ABCD4: variants seen among roughly 807,000 people sequenced by gnomAD.
ABCD4 encodes the protein ATP binding cassette subfamily D member 4.
A neutral mutation model predicts 86.3 loss-of-function variants in ABCD4; 53 were observed. The observed-to-expected ratio is 0.61, with a 90% confidence interval of 0.49 to 0.77. The LOEUF (loss-of-function observed/expected upper bound fraction) is 0.77. Ranked by LOEUF, ABCD4 falls within the 30% of genes least tolerant of loss-of-function variation. The probability of loss-of-function intolerance (pLI) is 0.00; values close to 1 mark genes in which losing one functional copy is unlikely to be tolerated. For missense variants in ABCD4, 757 were observed against 764.5 expected (o/e 0.99, Z 0.12); for synonymous variants, 328 against 313.6 (o/e 1.05, Z -0.49).
Position 74,292,550 on chromosome 14 carries a change from C to T in ABCD4, c.1028+1G>A, listed in dbSNP as rs763876352. Reference sequence around the variant, plus strand: ...GCCAGAGGGGTGGGACACGGCCTCACCTGTGCGTGTAGCCAGCCACATCTG... The same window carrying T: ...GCCAGAGGGGTGGGACACGGCCTCATCTGTGCGTGTAGCCAGCCACATCTG... On this transcript the variant is annotated splice_donor_variant, in intron 10 of 18. Coordinates refer to ENST00000356924, the MANE Select transcript of ABCD4 (RefSeq NM_005050.4). LOFTEE classifies it high-confidence loss of function. 6.2e-7 allele frequency: 1 copy of T among 1,613,914 alleles called. No individual in the cohort carries two copies. The highest frequency in any genetic ancestry group is 8.5e-7 in the Non-Finnish European group (1 of 1,179,928).
intron 11 of ABCD4, among the ~76,000 whole-genome samples, chr14:74,291,705 T>A (rs538447168): frequency 6.6e-6 from 1 of 152,320 alleles, no homozygotes. Flanking sequence ...GGCCCTGGAA[T>A]TCAGACTGAT....
intron 18 of ABCD4, 60 bp from the exon 19 acceptor site, chr14:74,286,589 ACTCGGTTCT>A (rs1566907719): frequency 1.9e-6 from 3 of 1,612,248 alleles, no homozygotes; most frequent in Non-Finnish European, 2.5e-6. Flanking sequence ...AGAGGAGGCC[ACTCGGTTCT>A]CTCTGCTACT....
intron 8 of ABCD4, 26 bp from the exon 9 acceptor site, chr14:74,292,895 C>A: frequency 6.2e-7 from 1 of 1,613,936 alleles, no homozygotes; most frequent in Non-Finnish European, 8.5e-7. Context: ...CTGTGAGACA[C>A]CCAGGAACCA....
intron 14 of ABCD4, chr14:74,289,089 G>A: frequency 9.6e-7 from 1 of 1,039,154 alleles, no homozygotes; most frequent in Non-Finnish European, 1.2e-6. Context: ...TCCAGTCTGG[G>A]TGACAGAGTG....
intron 1 of ABCD4, among the ~76,000 whole-genome samples, chr14:74,301,137 A>C (rs1199041600): frequency 6.9e-6 from 1 of 145,538 alleles, no homozygotes; most frequent in Non-Finnish European, 1.5e-5. Flanking sequence ...TACAGGCGTG[A>C]GCCACCGCGC....
Position 74,290,136 on chromosome 14 carries a change from A to G in ABCD4, c.1328-18T>C, listed in dbSNP as rs1015908294. ...CACTGAGCCTGCAGAGCCCACAGAA[A>G]CCTCCATTGTGAGATCTCCCAGAAG... On this transcript the variant is annotated intron_variant, in intron 12 of 18. Transcript: ENST00000356924. 2 of 1,613,766 alleles carry G rather than the reference A, an allele frequency of 1.2e-6. No homozygotes were observed. The highest frequency in any genetic ancestry group is 2.7e-5 in the African/African-American group (2 of 74,822).
intron 4 of ABCD4, chr14:74,296,880 A>T (rs1249718172): frequency 2.6e-5 from 4 of 156,370 alleles, no homozygotes; most frequent in African/African-American, 9.6e-5. Flanking sequence ...CCAGGCTGTG[A>T]GGCACACCTG....
At position 74,289,691 on chromosome 14, in the gene ABCD4, C is replaced by T. The variant is rs2080924640; in HGVS notation, c.1420-172G>A. The stretch of plus-strand genomic sequence containing the variant: ...GCCGGCAGACAGCAGGGCAAGGTCC[C>T]TACAACCTTCAGAAGTGTGTTTAGG... On this transcript the variant is annotated intron_variant, in intron 13 of 18. Coordinates refer to ENST00000356924, the MANE Select transcript of ABCD4 (RefSeq NM_005050.4). The T allele has an allele frequency of 3.5e-6, 5 of 1,448,216 alleles. No homozygotes were observed. In the East Asian group the frequency reaches 1.2e-4, roughly 36 times the overall value. The allele number at this position is 1,448,216 out of a possible 1,614,324, so 89.7% of individuals were successfully genotyped here. A position where few individuals can be genotyped will look rare whatever the true frequency, so the allele number is the denominator to read the frequency against.
intron 4 of ABCD4, 134 bp from the exon 5 acceptor site, chr14:74,296,583 G>A: frequency 5.3e-6 from 4 of 759,792 alleles, no homozygotes; most frequent in Non-Finnish European, 6.4e-6. Flanking sequence ...TGGGAAGAGG[G>A]AACCAGACAA....
chr14:74,293,300 T>TG (rs1267480857), intron 7 of ABCD4, 52 bp from the exon 8 acceptor site: 4 of 1,564,702 alleles, frequency 2.6e-6, no homozygotes, highest in Non-Finnish European at 3.5e-6. Context: ...TCAGCCAGGT[T>TG]GGGGGGCCGC....
Position 74,295,900 on chromosome 14 carries a change from T to C in ABCD4, c.622A>G (p.Ile208Val), listed in dbSNP as rs200873635. 1.2e-6 allele frequency: 2 copies of C among 1,613,302 alleles called. No homozygotes were observed. The highest frequency in any genetic ancestry group is 1.3e-5 in the African/African-American group (1 of 74,982). The part of the protein sequence containing the change: ...TVVNKTLMGP[I>V]VMKLVHQEKL... Reference sequence around the variant, plus strand: ...TCCTGATGCACCAGCTTCATCACAATGGGGCCCATCAAAGTTTTGTTCACC... The same window carrying C: ...TCCTGATGCACCAGCTTCATCACAACGGGGCCCATCAAAGTTTTGTTCACC... The change falls in exon 6 of 19, where the codon ATT becomes GTT. Residue 208 changes from isoleucine to valine, a missense_variant. By Grantham distance (29) the Ile-to-Val change is conservative. Transcript: ENST00000356924.
chr14:74,294,185 TGG>T (rs1184065801), intron 7 of ABCD4: 5 of 152,208 alleles, frequency 3.3e-5, no homozygotes, highest in African/African-American at 1.2e-4. Context: ...CCCCAGTAGC[TGG>T]GATTACAGGT....
At position 74,295,168 on chromosome 14, in the gene ABCD4, C is replaced by T. The variant is rs139683556; in HGVS notation, c.699G>A (p.Ala233=). Residue 233 remains alanine (A), a synonymous_variant, in exon 7 of 19, where the codon GCG becomes GCA. Coordinates refer to ENST00000356924, the MANE Select transcript of ABCD4 (RefSeq NM_005050.4). ...CTCACCTGTAGAAAGCAGCAGGCTC[C>T]GCATTCACCCGAATCTGCATGTGCT... ...RFKHMQIRVN[A]EPAAFYRAGH... 2.5e-5 allele frequency: 40 copies of T among 1,614,174 alleles called. No individual in the cohort carries two copies. Among genetic ancestry groups the T allele is most frequent in the Middle Eastern group, 1.6e-4 (1 of 6,062 alleles).
rs377196254 is a variant in ABCD4 at position 74,286,822 on chromosome 14, G to C, written c.1637-6C>G. The C allele has an allele frequency of 2.9e-5, 46 of 1,613,312 alleles. No homozygotes were observed. The African/African-American group carries it at 5.7e-4, about 20-fold the overall frequency. On this transcript the variant is annotated splice_polypyrimidine_tract_variant and splice_region_variant and intron_variant, in intron 17 of 18. Coordinates refer to ENST00000356924, the MANE Select transcript of ABCD4 (RefSeq NM_005050.4). Reference sequence around the variant, plus strand: ...ACTGGTGGCTTCATCAAGCACTGAGGGGGCAGAGCACAGAGGAAGAGATCA... The same window carrying C: ...ACTGGTGGCTTCATCAAGCACTGAGCGGGCAGAGCACAGAGGAAGAGATCA...
intron 1 of ABCD4, among the ~76,000 whole-genome samples, chr14:74,301,652 A>AACTAGTG: frequency 6.6e-6 from 1 of 152,042 alleles, no homozygotes; most frequent in East Asian, 1.9e-4. Context: ...GGGAAGTGTA[A>AACTAGTG]TCCCTGCACT....
In ABCD4 at chr14:74,291,869, T is replaced by G. The variant is rs143540038; in HGVS notation, c.1118+418A>C. On this transcript the variant is annotated intron_variant, in intron 11 of 18. Transcript: ENST00000356924. ...AATCTGCCCAAGGAAAGTGTGGAGATCAAGCAAATCCTGAATGCACAGAAA... is the reference window on the plus strand; with the variant it reads ...AATCTGCCCAAGGAAAGTGTGGAGAGCAAGCAAATCCTGAATGCACAGAAA... 3.9e-5 allele frequency among the ~76,000 whole-genome samples: 6 copies of G among 152,052 alleles called. No homozygotes were observed. The East Asian group carries it at 1.2e-3, about 29-fold the overall frequency.
chr14:74,299,341 T>A, intron 3 of ABCD4: 1 of 546,550 alleles, frequency 1.8e-6, no homozygotes, highest in South Asian at 2.2e-5. Flanking sequence ...GGCCCAGGAG[T>A]GGAAACATCT....
intron 15 of ABCD4, 115 bp from the exon 16 acceptor site, chr14:74,288,374 GC>G: frequency 9.8e-7 from 1 of 1,017,878 alleles, no homozygotes. Flanking sequence ...ACAAATATAT[GC>G]CCCAGTGGCA....
At chr14:74,301,782 T>C (rs2084628842) in intron 1 of ABCD4, among the ~76,000 whole-genome samples, 1 of 151,992 alleles carries the variant, frequency 6.6e-6, no homozygotes, top group Non-Finnish European at 1.5e-5. Context: ...GCGTCTGTAA[T>C]CCCAGCTACT....
Sources: gnomAD v4.1 joint callset for allele counts (sites outside exome capture counted in the v4.1 genomes callset) on GRCh38, gnomAD v4.1.1 for gene constraint, MANE v1.5 for transcripts, NCBI Gene and HGNC (gene_info 2026-07-23, HGNC 2026-07-21) for gene names.